Variants in ADAMTSL1 observed in about 807,000 individuals in gnomAD.
ADAMTSL1 encodes the protein ADAMTS-like protein 1.
In ADAMTSL1, 126 loss-of-function variants were observed where a neutral mutation model predicts 201.8. The observed-to-expected ratio is 0.62, with a 90% CI of 0.54 to 0.72. The LOEUF is 0.72. Among genes scored for constraint, ADAMTSL1 ranks in the 30% least tolerant of loss-of-function variants. ADAMTSL1 has a pLI of 0.00. For synonymous variants in ADAMTSL1, 1,121 were observed against 903.4 expected (o/e 1.24, Z -4.32); for missense variants, 2,679 against 2,277.8 (o/e 1.18, Z -3.59).
intron 26 of ADAMTSL1, among the ~76,000 whole-genome samples, chr9:18,899,998 C>T (rs530448607): frequency 6.6e-6 from 1 of 152,152 alleles, no homozygotes; most frequent in Admixed American, 6.5e-5. Context: ...TTAGAGAGAA[C>T]AGACAACCTA....
chr9:18,873,503 A>G (rs1827977686), intron 23 of ADAMTSL1, among the ~76,000 whole-genome samples: 1 of 152,108 alleles, frequency 6.6e-6, no homozygotes, highest in Non-Finnish European at 1.5e-5. Context: ...ATCCAGTTTC[A>G]TTCTCCTACA....
intron 2 of ADAMTSL1, among the ~76,000 whole-genome samples, chr9:18,322,375 G>A (rs927780145): frequency 2.6e-5 from 4 of 152,180 alleles, no homozygotes; most frequent in African/African-American, 9.7e-5. Context: ...GCTTACACCT[G>A]TAATCCCAGC....
chr9:17,972,196 G>T lies in ADAMTSL1; in HGVS notation c.87+65274G>T, dbSNP rs1445248649. On this transcript the variant is annotated intron_variant, in intron 1 of 29. Coordinates refer to the ADAMTSL1 transcript ENST00000680146. ...TTATTATTATACTTTAAGTTTTAGGGTACATGTGCACAATGTGCAGGTTTG... is the reference window on the plus strand; with the variant it reads ...TTATTATTATACTTTAAGTTTTAGGTTACATGTGCACAATGTGCAGGTTTG... 5.5e-5 allele frequency among the ~76,000 whole-genome samples: 8 copies of T among 146,554 alleles called. No individual in the cohort carries two copies. The East Asian group carries it at 1.4e-3, about 26-fold the overall frequency.
chr9:18,099,397 A>G lies in ADAMTSL1; in HGVS notation c.88-64465A>G, dbSNP rs10963447. On this transcript the variant is annotated intron_variant, in intron 1 of 29. Coordinates refer to the ADAMTSL1 transcript ENST00000680146. ...TAACATCCATTAATTTTACTAGGCTATGCTTTGGTTTTGGTTGCTCTGGAG... is the reference window on the plus strand; with the variant it reads ...TAACATCCATTAATTTTACTAGGCTGTGCTTTGGTTTTGGTTGCTCTGGAG... Among the ~76,000 whole-genome samples the G allele has an allele frequency of 0.022, 2,609 of 119,814 alleles. 328 individuals are homozygous for G. In the East Asian group the frequency reaches 0.4, roughly 18 times the overall value. 78.6% of individuals were successfully genotyped at this position (119,814 alleles called of 152,430 possible).
rs1408217407 is a variant in ADAMTSL1 at position 18,910,925 on chromosome 9, C to CAGAT, written c.*2379_*2382dup. Reference sequence around the variant, plus strand: ...CAAAACTGTATTTGTATTTTTTGTACAGATAATACAGCTTATTTATTTAAA... The same window carrying CAGAT: ...CAAAACTGTATTTGTATTTTTTGTACAGATAGATAATACAGCTTATTTATTTAAA... On this transcript the variant is annotated 3_prime_UTR_variant, in exon 29 of 29. Transcript: ENST00000380548. 3 of 152,210 alleles carry CAGAT rather than the reference C, an allele frequency of 2.0e-5. No individual in the cohort carries two copies. Among genetic ancestry groups the CAGAT allele is most frequent in the Non-Finnish European group, 1.5e-5 (1 of 68,032 alleles). The allele number at this position is 152,210 out of a possible 1,614,324, so 9.4% of individuals were successfully genotyped here. A position where few individuals can be genotyped will look rare whatever the true frequency, so the allele number is the denominator to read the frequency against.
chr9:18,483,907 C>A (rs576412793), intron 1 of ADAMTSL1, among the ~76,000 whole-genome samples: 2 of 152,346 alleles, frequency 1.3e-5, no homozygotes, highest in East Asian at 3.9e-4. Context: ...CTGGCAAGAA[C>A]AGAGAACTAA....
At chr9:17,938,650 G>C (rs1018832390) in intron 1 of ADAMTSL1, among the ~76,000 whole-genome samples, 2 of 152,104 alleles carry the variant, frequency 1.3e-5, no homozygotes, top group African/African-American at 4.8e-5. Context: ...GAAAGCCCCC[G>C]ACCAAACAAA....
intron 23 of ADAMTSL1, among the ~76,000 whole-genome samples, chr9:18,855,714 T>C (rs1385616055): frequency 6.6e-6 from 1 of 152,214 alleles, no homozygotes. Flanking sequence ...GAATTCTTCG[T>C]TTCTCTGTTG....
chr9:18,002,348 T>G (rs1301752880), intron 1 of ADAMTSL1, among the ~76,000 whole-genome samples: 4 of 152,014 alleles, frequency 2.6e-5, no homozygotes, highest in African/African-American at 9.7e-5. Context: ...TCCACAATAT[T>G]GCTAGGTGAC....
chr9:18,652,602 T>C (rs1346569775), intron 7 of ADAMTSL1, among the ~76,000 whole-genome samples: 1 of 152,236 alleles, frequency 6.6e-6, no homozygotes, highest in Non-Finnish European at 1.5e-5. Context: ...TATGAAATAT[T>C]CAGCACTTTA....
At chr9:18,646,205 T>G (rs1827800327) in intron 7 of ADAMTSL1, among the ~76,000 whole-genome samples, 1 of 151,990 alleles carries the variant, frequency 6.6e-6, no homozygotes, top group Non-Finnish European at 1.5e-5. Flanking sequence ...GTTATTGGTG[T>G]ATAAGAATGC....
chr9:18,603,807 A>G (rs967653846), intron 4 of ADAMTSL1, among the ~76,000 whole-genome samples: 2 of 152,178 alleles, frequency 1.3e-5, no homozygotes, highest in Non-Finnish European at 2.9e-5. Context: ...GGACTTTTTC[A>G]TCTTCCCAAA....
At chr9:18,289,066 G>T (rs1213841989) in intron 2 of ADAMTSL1, among the ~76,000 whole-genome samples, 2 of 151,898 alleles carry the variant, frequency 1.3e-5, no homozygotes, top group African/African-American at 2.4e-5. Context: ...ATTAGTCTGG[G>T]TTCTCCAAAG....
chr9:18,331,193 T>C (rs971836958), intron 2 of ADAMTSL1, among the ~76,000 whole-genome samples: 5 of 152,168 alleles, frequency 3.3e-5, no homozygotes, highest in African/African-American at 1.2e-4. Context: ...GAACAATATG[T>C]TCATGGAGAA....
chr9:18,273,985 C>T (rs1051514370), intron 2 of ADAMTSL1, among the ~76,000 whole-genome samples: 1 of 152,124 alleles, frequency 6.6e-6, no homozygotes, highest in Non-Finnish European at 1.5e-5. Context: ...CTGCTGCTGT[C>T]CTGTGTGCAT....
rs1313214749 is a variant in ADAMTSL1 at position 18,886,201 on chromosome 9, T to C, written c.4250-1630T>C. Among the ~76,000 whole-genome samples, 406 of 128,546 alleles carry C rather than the reference T, an allele frequency of 3.2e-3. 5 individuals carry two copies. Among genetic ancestry groups the C allele is most frequent in the African/African-American group, 0.012 (385 of 32,956 alleles). The allele number at this position is 128,546 out of a possible 152,430, so 84.3% of individuals were successfully genotyped here. ...ATATATATATATATATATATATATA[T>C]ATATATATATACACACACATACATA... On this transcript the variant is annotated intron_variant, in intron 23 of 28. Transcript: ENST00000380548.
chr9:18,045,789 C>G (rs1458960471), intron 1 of ADAMTSL1, among the ~76,000 whole-genome samples: 1 of 150,996 alleles, frequency 6.6e-6, no homozygotes, highest in Non-Finnish European at 1.5e-5. Context: ...TACTCTAAGT[C>G]CTGATACTCA....
intron 2 of ADAMTSL1, among the ~76,000 whole-genome samples, chr9:18,187,352 C>A (rs2132215602): frequency 6.6e-6 from 1 of 152,236 alleles, no homozygotes; most frequent in East Asian, 1.9e-4. Flanking sequence ...AAAACTGCAT[C>A]AGATTTTAAA....
chr9:17,981,835 A>C (rs1818714597), intron 1 of ADAMTSL1, among the ~76,000 whole-genome samples: 1 of 152,174 alleles, frequency 6.6e-6, no homozygotes, highest in Non-Finnish European at 1.5e-5. Context: ...AGGTGGGGTG[A>C]AAAAAGTGCT....
Sources: allele counts gnomAD v4.1 joint callset (sites outside exome capture counted in the v4.1 genomes callset), GRCh38; gene constraint gnomAD v4.1.1; transcripts MANE v1.5; gene names NCBI Gene and HGNC (gene_info 2026-07-23, HGNC 2026-07-21).